NTN1: variants seen among roughly 807,000 people sequenced by gnomAD.
NTN1 encodes the protein netrin-1.
Under a neutral mutation model 54.2 loss-of-function variants are expected in NTN1, and 11 were observed. The observed-to-expected ratio is 0.20, with a 90% CI of 0.13 to 0.34. NTN1 has a LOEUF of 0.34. Ranked by LOEUF, NTN1 falls within the 10% of genes least tolerant of loss-of-function variation. NTN1 has a pLI of 1.00. For synonymous variants in NTN1, 371 were observed against 382.0 expected, an observed-to-expected ratio of 0.97 and a Z score of 0.33; for missense variants, 740 against 893.1, an observed-to-expected ratio of 0.83 and a Z score of 2.18.
intron 2 of NTN1, among the ~76,000 whole-genome samples, chr17:9,126,120 T>G (rs928819172): frequency 8.5e-5 from 13 of 152,148 alleles, no homozygotes; most frequent in African/African-American, 2.9e-4. Context: ...AAGAAAGAAT[T>G]AGAGAACAAC....
intron 6 of NTN1, among the ~76,000 whole-genome samples, chr17:9,229,544 G>A (rs3785996): frequency 0.48 from 73,064 of 151,880 alleles, 17,573 homozygotes; most frequent in East Asian, 0.62. Flanking sequence ...AGGAGTAGGC[G>A]CGGCAGTCCT....
chr17:9,169,382 T>G (rs1461763202), intron 3 of NTN1, among the ~76,000 whole-genome samples: 1 of 152,216 alleles, frequency 6.6e-6, no homozygotes, highest in East Asian at 1.9e-4. Flanking sequence ...TTGACTGCAG[T>G]CTTTACAGAT....
rs1020343554 is a variant in NTN1 at position 9,187,319 on chromosome 17, A to G, written c.1411+4350A>G. Among the ~76,000 whole-genome samples the G allele has an allele frequency of 3.3e-5, 5 of 152,032 alleles. 1 individual carries two copies. Among genetic ancestry groups the G allele is most frequent in the Non-Finnish European group, 5.9e-5 (4 of 68,010 alleles). ...GGCAGGGAGCAACTGAGGCAACTGC[A>G]TGGTGGGCTTGTCACAGCCTTCCAG... is the stretch of plus-strand genomic sequence containing the variant. On this transcript the variant is annotated intron_variant, in intron 5 of 6. Coordinates refer to ENST00000173229, the MANE Select transcript of NTN1 (RefSeq NM_004822.3).
chr17:9,006,164 C>T, the NTN1 span, among the ~76,000 whole-genome samples: 3 of 107,664 alleles, frequency 2.8e-5, no homozygotes, highest in South Asian at 8.4e-4. Flanking sequence ...GAGGAGAAGC[C>T]ATCAGGTACG....
At chr17:9,059,059 G>T (rs528164736) in intron 2 of NTN1, among the ~76,000 whole-genome samples, 1 of 152,246 alleles carries the variant, frequency 6.6e-6, no homozygotes, top group African/African-American at 2.4e-5. Flanking sequence ...TTTCATACAC[G>T]TAAAGTGCAT....
At chr17:9,148,525 C>T (rs986954623) in intron 2 of NTN1, among the ~76,000 whole-genome samples, 9 of 152,194 alleles carry the variant, frequency 5.9e-5, no homozygotes, top group African/African-American at 2.2e-4. Context: ...GTAGCACTGA[C>T]ATGCCAGTCT....
At chr17:9,096,117 C>T (rs1437002895) in intron 2 of NTN1, among the ~76,000 whole-genome samples, 1 of 151,954 alleles carries the variant, frequency 6.6e-6, no homozygotes, top group Admixed American at 6.6e-5. Context: ...AATATTGAAT[C>T]TTCTCGTATG....
At position 9,243,551 on chromosome 17, in the gene NTN1, GTGGACAAGACATTCCTGTGGGCCA is replaced by G. The variant is rs1906299329; in HGVS notation, c.*3587_*3610del. 1 of 152,234 alleles carries G rather than the reference GTGGACAAGACATTCCTGTGGGCCA, an allele frequency of 6.6e-6. No homozygotes were observed. Among genetic ancestry groups the G allele is most frequent in the South Asian group, 2.1e-4 (1 of 4,824 alleles). The allele number at this position is 152,234 out of a possible 1,614,324, so 9.4% of individuals were successfully genotyped here. A position where few individuals can be genotyped will look rare whatever the true frequency, so the allele number is the denominator to read the frequency against. ...TTGATGGGGCCACTGGCCATGGTCCGTGGACAAGACATTCCTGTGGGCCATGGCACACCGGGGGGGATCAAAATG... is the reference window on the plus strand; with the variant it reads ...TTGATGGGGCCACTGGCCATGGTCCGTGGCACACCGGGGGGGATCAAAATG... On this transcript the variant is annotated 3_prime_UTR_variant, in exon 7 of 7. Transcript: ENST00000173229.
At chr17:9,039,810 GTGCATTAATAGTTCAATCC>G (rs2091915846) in intron 2 of NTN1, among the ~76,000 whole-genome samples, 1 of 152,150 alleles carries the variant, frequency 6.6e-6, no homozygotes, top group Non-Finnish European at 1.5e-5. Context: ...ATCATGTTAA[GTGCATTAATAGTTCAATCC>G]TTTTTATTTC....
rs1452221951 is a variant in NTN1 at position 9,030,326 on chromosome 17, C to T, written c.1018+6935C>T. 2.6e-5 allele frequency among the ~76,000 whole-genome samples: 4 copies of T among 152,224 alleles called. No individual in the cohort carries two copies. In the South Asian group the frequency reaches 8.3e-4, roughly 31 times the overall value. ...AATGGAAAGCTGTGCTCCGCTCTTG[C>T]CTGTGTCAGGACCACCCCCAGCAAT... On this transcript the variant is annotated intron_variant, in intron 2 of 6. Transcript: ENST00000173229.
At chr17:9,236,012 T>C (rs914107972) in intron 6 of NTN1, among the ~76,000 whole-genome samples, 4 of 151,958 alleles carry the variant, frequency 2.6e-5, no homozygotes, top group East Asian at 3.9e-4. Flanking sequence ...CAGCCTCTTA[T>C]ATAAGGACAC....
chr17:9,169,712 A>G (rs1345077021), intron 3 of NTN1, among the ~76,000 whole-genome samples: 1 of 152,190 alleles, frequency 6.6e-6, no homozygotes, highest in Non-Finnish European at 1.5e-5. Context: ...TAAAAATACA[A>G]GAATTAGCCG....
intron 6 of NTN1, among the ~76,000 whole-genome samples, chr17:9,230,979 G>GA (rs1905789990): frequency 6.6e-6 from 1 of 152,116 alleles, no homozygotes; most frequent in African/African-American, 2.4e-5. Flanking sequence ...TAGGGGTGGG[G>GA]TGGGGATCTG....
At chr17:9,077,456 A>G (rs1412900394) in intron 2 of NTN1, among the ~76,000 whole-genome samples, 1 of 152,204 alleles carries the variant, frequency 6.6e-6, no homozygotes, top group Admixed American at 6.6e-5. Context: ...AGCTCATTTT[A>G]GCACTCTGAA....
At chr17:9,108,195 T>C (rs2092174462) in intron 2 of NTN1, among the ~76,000 whole-genome samples, 1 of 152,176 alleles carries the variant, frequency 6.6e-6, no homozygotes, top group African/African-American at 2.4e-5. Context: ...AAGAAAAGAC[T>C]CTGGGCTGAG....
chr17:9,011,512 AT>A, the NTN1 span, among the ~76,000 whole-genome samples: 2 of 152,174 alleles, frequency 1.3e-5, no homozygotes, highest in African/African-American at 4.8e-5. Flanking sequence ...AAGACCCTTA[AT>A]CACGTCAGCA....
chr17:9,038,265 C>CTCACACACACACACACACACA (rs55982115), intron 2 of NTN1, among the ~76,000 whole-genome samples: 6 of 144,076 alleles, frequency 4.2e-5, no homozygotes, highest in Admixed American at 1.4e-4. Flanking sequence ...TTCTCTCTCT[C>CTCACACACACACACACACACA]CACACACACA....
chr17:9,075,249 G>T (rs1032259634), intron 2 of NTN1, among the ~76,000 whole-genome samples: 3 of 152,226 alleles, frequency 2.0e-5, no homozygotes, highest in African/African-American at 7.2e-5. Flanking sequence ...GGGAGGCCGA[G>T]GCGGGTGGAA....
chr17:9,093,260 A>G (rs981667328), intron 2 of NTN1, among the ~76,000 whole-genome samples: 3 of 152,236 alleles, frequency 2.0e-5, no homozygotes, highest in Non-Finnish European at 2.9e-5. Flanking sequence ...GCTATTTGCT[A>G]TTGTGAATAA....
Sources: allele counts gnomAD v4.1 joint callset (sites outside exome capture counted in the v4.1 genomes callset), GRCh38; gene constraint gnomAD v4.1.1; transcripts MANE v1.5; gene names NCBI Gene and HGNC (gene_info 2026-07-23, HGNC 2026-07-21).